NKAIN3: variants seen among roughly 807,000 people sequenced by gnomAD.
NKAIN3 encodes sodium/potassium transporting ATPase interacting 3.
A neutral mutation model predicts 30.2 loss-of-function variants in NKAIN3; 25 were observed. The ratio of observed to expected loss-of-function variants is 0.83; its 90% confidence interval spans 0.60 to 1.16. The LOEUF is 1.16. NKAIN3 is among the 50% of genes most tolerant of loss of function. NKAIN3 has a pLI of 0.00. For synonymous variants in NKAIN3, 91 were observed against 89.6 expected, an observed-to-expected ratio of 1.02 and a Z score of -0.09; for missense variants, 225 against 254.1, an observed-to-expected ratio of 0.89 and a Z score of 0.78.
chr8:62,624,443 A>C (rs144319742), intron 3 of NKAIN3, among the ~76,000 whole-genome samples: 1 of 149,054 alleles, frequency 6.7e-6, no homozygotes, highest in Non-Finnish European at 1.5e-5. Flanking sequence ...TTTTACTTTC[A>C]TGTTTTCTGA....
intron 4 of NKAIN3, among the ~76,000 whole-genome samples, chr8:62,814,329 T>A (rs1211284958): frequency 3.9e-5 from 6 of 152,002 alleles, no homozygotes; most frequent in African/African-American, 1.5e-4. Flanking sequence ...TTTTTTTCAT[T>A]CTTTTAATGT....
chr8:62,758,216 G>C (rs555364119), intron 4 of NKAIN3, among the ~76,000 whole-genome samples: 4 of 152,246 alleles, frequency 2.6e-5, no homozygotes, highest in Non-Finnish European at 5.9e-5. Context: ...AACAAAGTGA[G>C]AGACTCTGCC....
At chr8:62,582,280 T>C (rs1810328620) in intron 2 of NKAIN3, among the ~76,000 whole-genome samples, 1 of 152,110 alleles carries the variant, frequency 6.6e-6, no homozygotes, top group Admixed American at 6.6e-5. Flanking sequence ...TGTTTGGCCT[T>C]GTGTTAGGTG....
At chr8:62,571,638 C>G (rs567879243) in intron 1 of NKAIN3, among the ~76,000 whole-genome samples, 246 of 152,272 alleles carry the variant, frequency 1.6e-3, no homozygotes, top group Non-Finnish European at 2.1e-3. Context: ...GCCACTGCAG[C>G]AATCTTCTGC....
At chr8:62,568,147 A>G (rs1050834157) in intron 1 of NKAIN3, among the ~76,000 whole-genome samples, 2 of 152,178 alleles carry the variant, frequency 1.3e-5, no homozygotes. Context: ...ACACAGCATC[A>G]TGCATCCTAT....
At chr8:62,559,664 T>C (rs1809508848) in intron 1 of NKAIN3, among the ~76,000 whole-genome samples, 1 of 152,046 alleles carries the variant, frequency 6.6e-6, no homozygotes, top group African/African-American at 2.4e-5. Context: ...TCAGGGATAG[T>C]ATAAATACCT....
rs573895950 is a variant in NKAIN3, at chr8:62,338,996, C to G, written c.54+89869C>G. Among the ~76,000 whole-genome samples the G allele has an allele frequency of 5.0e-3, 760 of 152,102 alleles. 6 individuals are homozygous for G. The highest frequency in any genetic ancestry group is 5.9e-3 in the Non-Finnish European group (400 of 67,952). On this transcript the variant is annotated intron_variant, in intron 1 of 6. Coordinates refer to ENST00000623646, the MANE Select transcript of NKAIN3 (RefSeq NM_001304533.3). Reference sequence around the variant, plus strand: ...CAAGTTCATACTCAGTATTAACCATCACAGCTCTTGACACAGGGTGGTCAG... The same window carrying G: ...CAAGTTCATACTCAGTATTAACCATGACAGCTCTTGACACAGGGTGGTCAG...
chr8:62,771,299 A>G (rs1359736986), intron 4 of NKAIN3, among the ~76,000 whole-genome samples: 1 of 151,758 alleles, frequency 6.6e-6, no homozygotes, highest in Non-Finnish European at 1.5e-5. Context: ...ATTAAAGGAA[A>G]ATATCCCAAC....
intron 3 of NKAIN3, among the ~76,000 whole-genome samples, chr8:62,706,115 G>C (rs1814511378): frequency 6.6e-6 from 1 of 152,018 alleles, no homozygotes; most frequent in Non-Finnish European, 1.5e-5. Flanking sequence ...AAATTACCCA[G>C]GAAAGACTTC....
intron 4 of NKAIN3, among the ~76,000 whole-genome samples, chr8:62,903,543 G>C (rs1343468317): frequency 6.6e-6 from 1 of 152,062 alleles, no homozygotes; most frequent in Non-Finnish European, 1.5e-5. Context: ...CCTCTCGGGA[G>C]CCATAGAAAA....
chr8:62,291,611 A>G (rs1269620224), intron 1 of NKAIN3, among the ~76,000 whole-genome samples: 1 of 152,158 alleles, frequency 6.6e-6, no homozygotes, highest in East Asian at 1.9e-4. Context: ...ACAGTTTGTT[A>G]TAATTTCTGT....
At chr8:62,415,593 T>C (rs1379684165) in intron 1 of NKAIN3, among the ~76,000 whole-genome samples, 1 of 151,140 alleles carries the variant, frequency 6.6e-6, no homozygotes, top group South Asian at 2.1e-4. Context: ...GGTTACATAT[T>C]ACGGATGATT....
At chr8:62,813,397 G>A (rs4297033) in intron 4 of NKAIN3, among the ~76,000 whole-genome samples, 12,820 of 151,462 alleles carry the variant, frequency 0.085, 548 homozygotes, top group Middle Eastern at 0.092. Flanking sequence ...TGGTATTTTG[G>A]TGATGCTATT....
In NKAIN3 at chr8:62,866,227, G is replaced by T. The variant is rs549751831; in HGVS notation, c.472-52226G>T. Among the ~76,000 whole-genome samples the T allele has an allele frequency of 5.3e-5, 8 of 152,242 alleles. No individual in the cohort carries two copies. The South Asian group carries it at 1.7e-3, about 32-fold the overall frequency. On this transcript the variant is annotated intron_variant, in intron 4 of 6. Coordinates refer to ENST00000623646, the MANE Select transcript of NKAIN3 (RefSeq NM_001304533.3). ...TGGAAAAGAGAAATGTGTTCATTGT[G>T]TCGAATGAAAAAATACATATATTTT...
At chr8:62,297,559 AAC>A in intron 1 of NKAIN3, among the ~76,000 whole-genome samples, 1 of 151,980 alleles carries the variant, frequency 6.6e-6, no homozygotes, top group East Asian at 1.9e-4. Context: ...GCAGCCAAAA[AAC>A]ACATGAAAAA....
At position 62,856,483 on chromosome 8, in the gene NKAIN3, T is replaced by C. The variant is rs893460975; in HGVS notation, c.472-61970T>C. Reference sequence around the variant, plus strand: ...GTCAAAGCCCCCAGGTTTCTTCAGGTGCTTCAAGTCAAGGAAGATACCTGT... The same window carrying C: ...GTCAAAGCCCCCAGGTTTCTTCAGGCGCTTCAAGTCAAGGAAGATACCTGT... On this transcript the variant is annotated intron_variant, in intron 4 of 6. Coordinates refer to ENST00000623646, the MANE Select transcript of NKAIN3 (RefSeq NM_001304533.3). 5.1e-5 allele frequency: 40 copies of C among 785,040 alleles called. No individual in the cohort carries two copies. The African/African-American group carries it at 5.4e-4, about 11-fold the overall frequency. 48.6% of individuals were successfully genotyped at this position (785,040 alleles called of 1,614,324 possible).
intron 3 of NKAIN3, among the ~76,000 whole-genome samples, chr8:62,689,557 T>C (rs1221085936): frequency 6.6e-6 from 1 of 152,176 alleles, no homozygotes; most frequent in African/African-American, 2.4e-5. Flanking sequence ...GTTGTACTGA[T>C]GTATCAGGTT....
rs73684995 is a variant in NKAIN3, at chr8:62,423,875, G to T, written c.55-155664G>T. Among the ~76,000 whole-genome samples the T allele has an allele frequency of 5.4e-3, 826 of 151,986 alleles. 5 individuals carry two copies. The highest frequency in any genetic ancestry group is 0.019 in the African/African-American group (779 of 41,458). On this transcript the variant is annotated intron_variant, in intron 1 of 6. Coordinates refer to ENST00000623646, the MANE Select transcript of NKAIN3 (RefSeq NM_001304533.3). ...TTAATGAATGCCAACATTTTATCTTGTAAAGACATGCAGCAGCATGATGCA... is the reference window on the plus strand; with the variant it reads ...TTAATGAATGCCAACATTTTATCTTTTAAAGACATGCAGCAGCATGATGCA...
chr8:62,480,117 A>G (rs1806666147), intron 1 of NKAIN3, among the ~76,000 whole-genome samples: 1 of 152,200 alleles, frequency 6.6e-6, no homozygotes, highest in African/African-American at 2.4e-5. Flanking sequence ...TCTTCATCTT[A>G]TAACTGAAGG....
Sources: allele counts gnomAD v4.1 joint callset (sites outside exome capture counted in the v4.1 genomes callset), GRCh38; gene constraint gnomAD v4.1.1; transcripts MANE v1.5; gene names NCBI Gene and HGNC (gene_info 2026-07-23, HGNC 2026-07-21).